Variants in DIP2B observed in about 807,000 individuals in gnomAD.
The protein encoded by DIP2B is disco-interacting protein 2 homolog B.
In DIP2B, 76 loss-of-function variants were observed where a neutral mutation model predicts 198.0. That is an observed-to-expected ratio of 0.38 (90% CI 0.32 to 0.46). The LOEUF (loss-of-function observed/expected upper bound fraction) is 0.46. DIP2B is among the 20% of genes least tolerant of loss of function. The probability of loss-of-function intolerance (pLI) is 0.99; values close to 1 mark genes in which losing one functional copy is unlikely to be tolerated. For synonymous variants in DIP2B, 701 were observed against 739.1 expected, an observed-to-expected ratio of 0.95 and a Z score of 0.84; for missense variants, 1,559 against 1,978.4, an observed-to-expected ratio of 0.79 and a Z score of 4.02.
chr12:50,553,606 T>G (rs1958445429), intron 1 of DIP2B, among the ~76,000 whole-genome samples: 1 of 152,198 alleles, frequency 6.6e-6, no homozygotes, highest in Non-Finnish European at 1.5e-5. Context: ...TAAAGTATTG[T>G]TTAGTCTCCC....
intron 30 of DIP2B, 68 bp from the exon 31 acceptor site, chr12:50,731,301 G>A (rs933805484): frequency 7.7e-6 from 12 of 1,553,246 alleles, no homozygotes; most frequent in Admixed American, 5.4e-5. Context: ...TGTGGAATTG[G>A]TGGGGTTCTG....
chr12:50,721,826 G>C (rs1036424229), intron 26 of DIP2B, among the ~76,000 whole-genome samples: 1 of 152,130 alleles, frequency 6.6e-6, no homozygotes, highest in Non-Finnish European at 1.5e-5. Context: ...TACTCAGGAG[G>C]AATAACTGCA....
intron 1 of DIP2B, among the ~76,000 whole-genome samples, chr12:50,564,511 C>G (rs751624891): frequency 3.3e-5 from 5 of 152,140 alleles, no homozygotes; most frequent in Non-Finnish European, 7.4e-5. Flanking sequence ...TGTTGTCTAT[C>G]TGATGGGGTA....
Position 50,721,388 on chromosome 12 carries a change from A to G in DIP2B, c.3158A>G (p.Tyr1053Cys), listed in dbSNP as rs760740064. 4 of 1,614,116 alleles carry G rather than the reference A, an allele frequency of 2.5e-6. No homozygotes were observed. The highest frequency in any genetic ancestry group is 1.1e-5 in the South Asian group (1 of 91,080). ...LNAGDNVVLL[Y>C]PPGIELIAAF... ...GCAGGAGATAATGTGGTGTTGCTCT[A>G]TCCACCTGGTAAGCATTGGATTGGC... The change falls in exon 26 of 38, where the codon TAT (tyrosine) becomes TGT (cysteine). Residue 1053 changes from tyrosine to cysteine, a missense_variant. Physicochemically the swap from Tyr to Cys is radical, Grantham distance 194. Transcript: ENST00000301180.
intron 3 of DIP2B, among the ~76,000 whole-genome samples, chr12:50,659,387 G>C (rs1198203240): frequency 1.3e-5 from 2 of 152,036 alleles, no homozygotes; most frequent in Non-Finnish European, 2.9e-5. Flanking sequence ...TTGTGGATTA[G>C]GCCCATTCCT....
chr12:50,622,553 C>T (rs927763916), intron 1 of DIP2B, among the ~76,000 whole-genome samples: 11 of 152,276 alleles, frequency 7.2e-5, no homozygotes, highest in Non-Finnish European at 1.2e-4. Context: ...GGTGGGTAAA[C>T]ATGCACACTT....
chr12:50,664,432 T>G (rs370823706), intron 4 of DIP2B, among the ~76,000 whole-genome samples: 1 of 152,244 alleles, frequency 6.6e-6, no homozygotes, highest in Non-Finnish European at 1.5e-5. Context: ...TTAGTGCTTG[T>G]GGCCTTTTTC....
chr12:50,632,597 C>T (rs765101411), intron 2 of DIP2B, among the ~76,000 whole-genome samples: 7 of 150,270 alleles, frequency 4.7e-5, no homozygotes, highest in Non-Finnish European at 8.9e-5. Context: ...AGTGCAGTGG[C>T]GTGATCTCGG....
intron 28 of DIP2B, among the ~76,000 whole-genome samples, chr12:50,726,266 C>G (rs1939931796): frequency 6.6e-6 from 1 of 152,170 alleles, no homozygotes; most frequent in African/African-American, 2.4e-5. Flanking sequence ...TTTGACATCC[C>G]TGGTTTTGGC....
chr12:50,636,441 A>G (rs1208627505), intron 2 of DIP2B, among the ~76,000 whole-genome samples: 1 of 152,186 alleles, frequency 6.6e-6, no homozygotes, highest in African/African-American at 2.4e-5. Flanking sequence ...CATTGCAATT[A>G]TATCTGCCCC....
chr12:50,710,429 G>T (rs1036858937), intron 22 of DIP2B, among the ~76,000 whole-genome samples: 14 of 145,034 alleles, frequency 9.7e-5, no homozygotes, highest in South Asian at 4.4e-4. Flanking sequence ...GTTTTGTTTT[G>T]TTTTTTTTTT....
intron 1 of DIP2B, among the ~76,000 whole-genome samples, chr12:50,611,089 C>T (rs1284608408): frequency 2.0e-5 from 3 of 152,108 alleles, no homozygotes; most frequent in South Asian, 2.1e-4. Flanking sequence ...TGAGCCACCG[C>T]GCTTGGCCGA....
chr12:50,703,709 T>G (rs894962556), intron 19 of DIP2B, among the ~76,000 whole-genome samples: 1 of 152,170 alleles, frequency 6.6e-6, no homozygotes, highest in Non-Finnish European at 1.5e-5. Context: ...CTAAAGTCTA[T>G]GTTACTAGTA....
At chr12:50,630,315 G>A (rs1938020880) in intron 2 of DIP2B, among the ~76,000 whole-genome samples, 1 of 152,038 alleles carries the variant, frequency 6.6e-6, no homozygotes, top group Non-Finnish European at 1.5e-5. Context: ...CTCTTTGTTT[G>A]TAAACCTTCT....
At chr12:50,518,803 A>G (rs375559036) in intron 1 of DIP2B, among the ~76,000 whole-genome samples, 9 of 152,214 alleles carry the variant, frequency 5.9e-5, no homozygotes, top group African/African-American at 2.2e-4. Context: ...CCCCTAAGCT[A>G]GAGTGCTGTG....
chr12:50,710,621 C>T (rs1565878797), intron 22 of DIP2B, among the ~76,000 whole-genome samples: 3 of 152,118 alleles, frequency 2.0e-5, no homozygotes, highest in Admixed American at 1.3e-4. Context: ...GACAGATTTT[C>T]GCCATGTTGG....
chr12:50,517,671 C>T (rs770452189), intron 1 of DIP2B, among the ~76,000 whole-genome samples: 29 of 152,156 alleles, frequency 1.9e-4, no homozygotes, highest in Non-Finnish European at 2.6e-4. Context: ...ACCTGCCTGC[C>T]TTTTTACCCT....
Position 50,714,608 on chromosome 12 carries a change from G to T in DIP2B, c.2851+12G>T. 1.2e-6 allele frequency: 2 copies of T among 1,613,762 alleles called. No homozygotes were observed. Among genetic ancestry groups the T allele is most frequent in the Non-Finnish European group, 1.7e-6 (2 of 1,179,828 alleles). On this transcript the variant is annotated intron_variant, in intron 23 of 37. Transcript: ENST00000301180. The stretch of plus-strand genomic sequence containing the variant: ...GCAAAAACAACCAGGTAATATGCTG[G>T]CTTCCAAGACCTGGCACTAAAATTC...
intron 4 of DIP2B, among the ~76,000 whole-genome samples, chr12:50,666,837 C>T (rs772253556): frequency 4.6e-5 from 7 of 152,082 alleles, no homozygotes; most frequent in Non-Finnish European, 1.0e-4. Context: ...CTGGCTAACA[C>T]GCTGAAACCT....
Sources: gnomAD v4.1 joint callset for allele counts (sites outside exome capture counted in the v4.1 genomes callset) on GRCh38, gnomAD v4.1.1 for gene constraint, MANE v1.5 for transcripts, NCBI Gene and HGNC (gene_info 2026-07-23, HGNC 2026-07-21) for gene names.